The following MAP3K19 variants were observed in gnomAD, a reference collection of about 807,000 sequenced individuals.
MAP3K19 encodes SPS1/STE20-related protein kinase YSK4.
A neutral mutation model predicts 114.4 loss-of-function variants in MAP3K19; 91 were observed. The ratio of observed to expected loss-of-function variants is 0.80; its 90% CI spans 0.67 to 0.95. The LOEUF is 0.95. Ranked by LOEUF, MAP3K19 falls within the 40% of genes least tolerant of loss-of-function variation. MAP3K19 has a pLI of 0.00. For synonymous variants in MAP3K19, 518 were observed against 530.5 expected (o/e 0.98, Z 0.32); for missense variants, 1,471 against 1,573.2 (o/e 0.94, Z 1.10).
In MAP3K19 at chr2:134,985,855, C is replaced by T; in HGVS notation, c.3017G>A (p.Trp1006Ter). ...DPENLNLVLRWRGSTPKEMGR... is the reference protein window; with the variant it reads ...DPENLNLVLR ...CATTTCTTTTGGGGTACTTCCTCTC[C>T]ATCTGAGGACAAGATTTAGGTTTTC... The change falls in exon 10 of 13, where the codon TGG becomes TAG. Residue 1006 changes from tryptophan to a stop codon, truncating the protein, a stop_gained. Transcript: ENST00000392915. LOFTEE classifies it high-confidence loss of function. The T allele has an allele frequency of 6.2e-7, 1 of 1,613,654 alleles. No homozygotes were observed. The highest frequency in any genetic ancestry group is 8.5e-7 in the Non-Finnish European group (1 of 1,179,898).
Position 134,986,732 on chromosome 2 carries a change from T to G in MAP3K19, c.2140A>C (p.Thr714Pro). 1 of 1,614,208 alleles carries G rather than the reference T, an allele frequency of 6.2e-7. No individual in the cohort carries two copies. The highest frequency in any genetic ancestry group is 8.5e-7 in the Non-Finnish European group (1 of 1,180,030). The change falls in exon 10 of 13, where the codon ACA (threonine) becomes CCA (proline). Residue 714 changes from threonine to proline, a missense_variant. Thr to Pro is a conservative substitution (Grantham distance 38). Coordinates refer to ENST00000392915, the MANE Select transcript of MAP3K19 (RefSeq NM_025052.5). The part of the protein sequence containing the change: ...SHSERKSNIR[T>P]RLSQKKTHMK... The stretch of plus-strand genomic sequence containing the variant: ...TGTGTTTTTTTCTGAGAAAGTCTTG[T>G]TCTGATATTGCTCTTCCTCTCACTG...
chr2:134,979,462 GT>G (rs1230147194), intron 12 of MAP3K19, among the ~76,000 whole-genome samples: 1 of 151,790 alleles, frequency 6.6e-6, no homozygotes, highest in African/African-American at 2.4e-5. Flanking sequence ...GTGTGTGTGT[GT>G]GTGTGTGTGT....
chr2:134,997,817 C>CAAAAA lies in MAP3K19; in HGVS notation c.574+916_574+920dup, dbSNP rs1187957592. ...CTGGTGACAGAGCGAGACTCCGTCTCAAAAAAAAAAAAACTTTAAGCACTG... is the reference window on the plus strand; with the variant it reads ...CTGGTGACAGAGCGAGACTCCGTCTCAAAAAAAAAAAAAAAAAACTTTAAGCACTG... On this transcript the variant is annotated intron_variant, in intron 8 of 12. Transcript: ENST00000392915. Among the ~76,000 whole-genome samples, 827 of 90,972 alleles carry CAAAAA rather than the reference C, an allele frequency of 9.1e-3. 24 individuals are homozygous for CAAAAA. Among genetic ancestry groups the CAAAAA allele is most frequent in the African/African-American group, 0.031 (774 of 24,584 alleles). The allele number at this position is 90,972 out of a possible 152,430, so 59.7% of individuals were successfully genotyped here. A position where few individuals can be genotyped will look rare whatever the true frequency, so the allele number is the denominator to read the frequency against.
intron 4 of MAP3K19, chr2:135,023,193 C>T (rs1362449037): frequency 3.5e-6 from 1 of 282,856 alleles, no homozygotes; most frequent in South Asian, 3.6e-5. Flanking sequence ...GCCATTGAAA[C>T]GTCTCACATC....
intron 6 of MAP3K19, among the ~76,000 whole-genome samples, chr2:135,002,556 T>C (rs1165513147): frequency 1.3e-5 from 2 of 152,084 alleles, no homozygotes; most frequent in Non-Finnish European, 2.9e-5. Flanking sequence ...TCAAAATATT[T>C]TGATGCCATC....
intron 5 of MAP3K19, among the ~76,000 whole-genome samples, chr2:135,020,800 C>G (rs1687917586): frequency 6.6e-6 from 1 of 152,156 alleles, no homozygotes; most frequent in South Asian, 2.1e-4. Context: ...CTCCTACCAC[C>G]TTGTGAAGAT....
intron 12 of MAP3K19, among the ~76,000 whole-genome samples, chr2:134,968,448 G>A (rs1282100738): frequency 1.8e-4 from 26 of 147,934 alleles, no homozygotes; most frequent in South Asian, 4.3e-4. Flanking sequence ...GGGCAGAGGC[G>A]CCCCTCACCT....
intron 3 of MAP3K19, among the ~76,000 whole-genome samples, chr2:135,027,239 T>G (rs910750284): frequency 8.5e-5 from 12 of 142,008 alleles, no homozygotes; most frequent in African/African-American, 3.2e-4. Context: ...AGCAAGATCC[T>G]GTATAAAAAA....
intron 5 of MAP3K19, among the ~76,000 whole-genome samples, chr2:135,007,175 A>C (rs1328763687): frequency 4.6e-5 from 7 of 150,698 alleles, no homozygotes; most frequent in Non-Finnish European, 1.0e-4. Context: ...AAAAAAAAAA[A>C]CCAGAAGTAA....
In MAP3K19 at chr2:134,983,747, T is replaced by C. The variant is rs1684884049; in HGVS notation, c.3151A>G (p.Asn1051Asp). 40 of 1,607,442 alleles carry C rather than the reference T, an allele frequency of 2.5e-5. No individual in the cohort carries two copies. Among genetic ancestry groups the C allele is most frequent in the Non-Finnish European group, 3.4e-5 (40 of 1,177,290 alleles). ...ATAGGTTCTTCAGACTTTAAACTAT[T>C]TTCAGAAAATATCTTCTTTTCATTT... The part of the protein sequence containing the change: ...ISNEKKIFSE[N>D]SLKSEEPILW... Residue 1051 changes from asparagine (N) to aspartate (D), a missense_variant, in exon 11 of 13, where the codon AAT becomes GAT. Transcript: ENST00000392915.
chr2:135,046,086 C>T (rs1014588802), intron 1 of MAP3K19, among the ~76,000 whole-genome samples: 9 of 152,026 alleles, frequency 5.9e-5, no homozygotes, highest in African/African-American at 2.2e-4. Context: ...CACTATGCCC[C>T]GCTAGTTATT....
intron 8 of MAP3K19, among the ~76,000 whole-genome samples, chr2:134,995,784 C>T (rs1336019783): frequency 6.6e-6 from 1 of 151,978 alleles, no homozygotes; most frequent in Non-Finnish European, 1.5e-5. Context: ...AAAAAATAGA[C>T]ACAAAGATTG....
At chr2:135,005,306 C>CAG in intron 6 of MAP3K19, 129 bp downstream of exon 6, 1 of 667,998 alleles carries the variant, frequency 1.5e-6, no homozygotes, top group Non-Finnish European at 2.6e-6. Flanking sequence ...CCCTCCTCCA[C>CAG]TCCCTCTACC....
chr2:135,044,871 A>C (rs942151232), intron 1 of MAP3K19, among the ~76,000 whole-genome samples: 1 of 152,182 alleles, frequency 6.6e-6, no homozygotes, highest in Admixed American at 6.5e-5. Context: ...CTGTTATATT[A>C]CATTGGTTTT....
At chr2:135,015,395 G>A (rs969715826) in intron 5 of MAP3K19, among the ~76,000 whole-genome samples, 10 of 152,030 alleles carry the variant, frequency 6.6e-5, no homozygotes, top group African/African-American at 2.4e-4. Flanking sequence ...TAGCCTATCT[G>A]TTCCTAATTT....
At chr2:135,040,548 C>G (rs2104798672) in intron 1 of MAP3K19, 46 bp from the exon 2 acceptor site, 1 of 143,972 alleles carries the variant, frequency 6.9e-6, no homozygotes, top group African/African-American at 2.8e-5. Flanking sequence ...TTGCTAGTTC[C>G]ACATGATTGC....
Position 134,968,388 on chromosome 2 carries a change from C to T in MAP3K19, c.3921-3472G>A, listed in dbSNP as rs1251903069. 5.2e-4 allele frequency among the ~76,000 whole-genome samples: 78 copies of T among 148,906 alleles called. 1 individual carries two copies. The highest frequency in any genetic ancestry group is 7.5e-4 in the African/African-American group (30 of 39,930). On this transcript the variant is annotated intron_variant, in intron 12 of 12. Transcript: ENST00000392915. ...TGAGCTGTTGGGTACACCTCCCAGA[C>T]GGGGTGGTGGCCGGGCAGAGGGGCT...
At chr2:134,997,700 TC>T (rs1332448085) in intron 8 of MAP3K19, among the ~76,000 whole-genome samples, 1 of 151,778 alleles carries the variant, frequency 6.6e-6, no homozygotes, top group Non-Finnish European at 1.5e-5. Context: ...GCGCCTGTAG[TC>T]CCAGCTACTT....
At chr2:134,973,961 C>G (rs753585164) in intron 12 of MAP3K19, among the ~76,000 whole-genome samples, 26 of 152,202 alleles carry the variant, frequency 1.7e-4, no homozygotes, top group Admixed American at 9.2e-4. Flanking sequence ...TCTTGGCTGA[C>G]AGTTTTGTTT....
Sources: gnomAD v4.1 joint callset for allele counts (sites outside exome capture counted in the v4.1 genomes callset) on GRCh38, gnomAD v4.1.1 for gene constraint, MANE v1.5 for transcripts, NCBI Gene and HGNC (gene_info 2026-07-23, HGNC 2026-07-21) for gene names.